Variants in ZNF541 observed in about 807,000 individuals in gnomAD.
ZNF541 encodes zinc finger protein 541.
In ZNF541, 23 loss-of-function variants were observed where a neutral mutation model predicts 123.5. That is an observed-to-expected ratio of 0.19 (90% CI 0.13 to 0.26). ZNF541 has a LOEUF of 0.26. Among genes scored for constraint, ZNF541 ranks in the 10% least tolerant of loss-of-function variants. ZNF541 has a pLI of 1.00. For synonymous variants in ZNF541, 751 were observed against 754.5 expected (o/e 1.00, Z 0.08); for missense variants, 1,612 against 1,789.9 (o/e 0.90, Z 1.79).
chr19:47,536,775 A>C (rs1396626720), intron 9 of ZNF541, among the ~76,000 whole-genome samples: 1 of 152,054 alleles, frequency 6.6e-6, no homozygotes, highest in Non-Finnish European at 1.5e-5. Context: ...AAACCCCAAA[A>C]ATTTCTATAT....
chr19:47,572,245 GA>G (rs1414345905), intron 1 of ZNF541, among the ~76,000 whole-genome samples: 1 of 152,166 alleles, frequency 6.6e-6, no homozygotes, highest in African/African-American at 2.4e-5. Flanking sequence ...TCCCCCGTGG[GA>G]AGAGACCTAG....
intron 2 of ZNF541, among the ~76,000 whole-genome samples, chr19:47,567,038 G>T (rs1462248253): frequency 6.6e-6 from 1 of 151,456 alleles, no homozygotes; most frequent in Non-Finnish European, 1.5e-5. Context: ...GCCACAGAGC[G>T]AGACTCCATC....
At chr19:47,550,918 T>C (rs1970571050) in intron 3 of ZNF541, among the ~76,000 whole-genome samples, 1 of 152,222 alleles carries the variant, frequency 6.6e-6, no homozygotes, top group Non-Finnish European at 1.5e-5. Context: ...CTCACTGCTG[T>C]GTTCTCAGAT....
At chr19:47,526,254 G>C (rs1160378510) in intron 14 of ZNF541, among the ~76,000 whole-genome samples, 1 of 152,034 alleles carries the variant, frequency 6.6e-6, no homozygotes. Context: ...GGCCAAGGTG[G>C]GCAGATCACC....
chr19:47,524,434 G>A (rs529985243), intron 14 of ZNF541, among the ~76,000 whole-genome samples: 4 of 152,138 alleles, frequency 2.6e-5, no homozygotes, highest in South Asian at 4.1e-4. Context: ...GAGGCCAGGC[G>A]CGGTGGCTCA....
chr19:47,521,428 A>C lies in ZNF541; in HGVS notation c.3887+51T>G. 1 of 1,550,640 alleles carries C rather than the reference A, an allele frequency of 6.4e-7. No individual in the cohort carries two copies. Among genetic ancestry groups the C allele is most frequent in the South Asian group, 1.2e-5 (1 of 84,048 alleles). The stretch of plus-strand genomic sequence containing the variant: ...GTCAGAGCAGGGAGGAAGGGATCAC[A>C]GGGGCTGAGGCTGGGAGCCCTGGGA... On this transcript the variant is annotated intron_variant, in intron 16 of 16. Transcript: ENST00000391901. This position sits in a 1 kb window ranked among gnomAD's most constrained non-coding sequence, Gnocchi z 4.2.
chr19:47,546,747 A>G (rs1970375310), intron 4 of ZNF541, among the ~76,000 whole-genome samples: 1 of 152,008 alleles, frequency 6.6e-6, no homozygotes, highest in Non-Finnish European at 1.5e-5. Context: ...TTTGAGACGG[A>G]GTCTTGCTCT....
chr19:47,528,244 G>C (rs934159627), intron 14 of ZNF541, among the ~76,000 whole-genome samples: 4 of 145,732 alleles, frequency 2.7e-5, no homozygotes, highest in Non-Finnish European at 6.1e-5. Flanking sequence ...GAACCCGGGA[G>C]GCGGAGGTTG....
At position 47,544,658 on chromosome 19, in the gene ZNF541, G is replaced by A. The variant is rs1228104286; in HGVS notation, c.1871C>T (p.Pro624Leu). 6.5e-7 allele frequency: 1 copy of A among 1,542,000 alleles called. No homozygotes were observed. The highest frequency in any genetic ancestry group is 2.0e-5 in the Admixed American group (1 of 50,616). Residue 624 changes from proline (P) to leucine (L), a missense_variant, in exon 5 of 17, where the codon CCA (proline) becomes CTA (leucine). Physicochemically the swap from Pro to Leu is moderately conservative, Grantham distance 98. This residue lies in a region of ZNF541 where 1,080 missense variants were observed against 1,013.8 expected (regional missense o/e 1.07). Transcript: ENST00000391901. ...GPGNPEAEGS[P>L]ARRRKTTPGV... ...GGGTGTGGTTTTTCTCCTGCGGGCT[G>A]GGGAGCCCTCTGCCTCGGGGTTTCC... is the stretch of plus-strand genomic sequence containing the variant.
At chr19:47,540,036 T>G in intron 7 of ZNF541, 140 bp downstream of exon 7, 1 of 1,418,366 alleles carries the variant, frequency 7.1e-7, no homozygotes, top group Non-Finnish European at 9.3e-7. Flanking sequence ...GGCCTGCCCC[T>G]GGAGAGCCAC....
intron 9 of ZNF541, among the ~76,000 whole-genome samples, chr19:47,536,109 C>T (rs144658462): frequency 7.0e-4 from 107 of 152,338 alleles, no homozygotes; most frequent in African/African-American, 2.4e-3. Flanking sequence ...AGGCACAGAT[C>T]GCTCATGCTA....
chr19:47,570,004 G>A, intron 2 of ZNF541, among the ~76,000 whole-genome samples: 1 of 152,132 alleles, frequency 6.6e-6, no homozygotes, highest in Non-Finnish European at 1.5e-5. Context: ...GCCGGGCACG[G>A]TGGCTCACGA....
chr19:47,571,202 T>G (rs944881110), intron 2 of ZNF541, among the ~76,000 whole-genome samples: 2 of 151,356 alleles, frequency 1.3e-5, no homozygotes, highest in Non-Finnish European at 2.9e-5. Flanking sequence ...AACCTCCGCC[T>G]CCCAGGTTCA....
At chr19:47,549,574 T>C (rs775806602) in intron 3 of ZNF541, 89 bp from the exon 4 acceptor site, 151 of 1,509,260 alleles carry the variant, frequency 1.0e-4, no homozygotes, top group Non-Finnish European at 1.2e-4. Flanking sequence ...CTTAGAACCA[T>C]GGTGGCCTTG....
rs539861835 is a variant in ZNF541 at position 47,567,623 on chromosome 19, T to C, written c.-99+4273A>G. Among the ~76,000 whole-genome samples the C allele has an allele frequency of 8.7e-4, 132 of 152,214 alleles. 1 individual carries two copies. Among genetic ancestry groups the C allele is most frequent in the Non-Finnish European group, 1.7e-3 (118 of 68,042 alleles). ...ATATCAGATGGTGCAAATCTAGGGA[T>C]TTCTCATTCAAGTTAGGCTTTCCAA... On this transcript the variant is annotated intron_variant, in intron 2 of 16. Coordinates refer to ENST00000391901, the MANE Select transcript of ZNF541 (RefSeq NM_001277075.3).
intron 2 of ZNF541, among the ~76,000 whole-genome samples, chr19:47,571,670 A>G (rs1401080709): frequency 3.3e-5 from 5 of 152,160 alleles, no homozygotes; most frequent in Non-Finnish European, 5.9e-5. Context: ...GTTTTTTGCA[A>G]TAAACATCAA....
In ZNF541 at chr19:47,526,528, T is replaced by C. The variant is rs1457807177; in HGVS notation, c.3570+2422A>G. Among the ~76,000 whole-genome samples, 9 of 128,304 alleles carry C rather than the reference T, an allele frequency of 7.0e-5. No individual in the cohort carries two copies. The South Asian group carries it at 2.3e-3, about 33-fold the overall frequency. 84.2% of individuals were successfully genotyped at this position (128,304 alleles called of 152,430 possible). ...AAACACAGACATCTCAATAAAAACA[T>C]ATGCAAGAGATATGAACAGACACCT... On this transcript the variant is annotated intron_variant, in intron 14 of 16. Transcript: ENST00000391901.
chr19:47,542,312 T>C (rs1970115989), intron 5 of ZNF541, among the ~76,000 whole-genome samples: 1 of 152,078 alleles, frequency 6.6e-6, no homozygotes, highest in African/African-American at 2.4e-5. Context: ...GTGGGGATGG[T>C]TGCACGATCT....
intron 14 of ZNF541, among the ~76,000 whole-genome samples, chr19:47,525,640 A>G (rs1331370749): frequency 6.6e-6 from 1 of 152,078 alleles, no homozygotes; most frequent in Admixed American, 6.5e-5. Flanking sequence ...AAGGCCGGGC[A>G]AGGTGGCTCA....
Sources: gnomAD v4.1 joint callset for allele counts (sites outside exome capture counted in the v4.1 genomes callset) on GRCh38, gnomAD v4.1.1 for gene constraint, gnomAD v4.1.1 regional missense constraint, Gnocchi (gnomAD v3.1) non-coding constraint, MANE v1.5 for transcripts, NCBI Gene and HGNC (gene_info 2026-07-23, HGNC 2026-07-21) for gene names.